DPP6: variants seen among roughly 807,000 people sequenced by gnomAD.
The protein encoded by DPP6 is A-type potassium channel modulatory protein DPP6.
DPP6 carries 69 observed loss-of-function variants against 122.6 expected under a neutral mutation model. The ratio of observed to expected loss-of-function variants is 0.56; its 90% CI spans 0.46 to 0.69. The LOEUF is 0.69. Among genes scored for constraint, DPP6 ranks in the 30% least tolerant of loss-of-function variants. DPP6 has a pLI of 0.00. For missense variants in DPP6, 928 were observed against 1,116.9 expected (o/e 0.83, Z 2.41); for synonymous variants, 418 against 433.1 (o/e 0.97, Z 0.43).
intron 10 of DPP6, among the ~76,000 whole-genome samples, chr7:154,775,833 C>T (rs560783325): frequency 2.4e-4 from 37 of 152,304 alleles, no homozygotes; most frequent in Middle Eastern, 3.4e-3. Context: ...AGGCCGAACC[C>T]GGTCAAAGCC....
chr7:154,812,143 C>CA (rs1799099266), intron 16 of DPP6, among the ~76,000 whole-genome samples: 1 of 152,142 alleles, frequency 6.6e-6, no homozygotes, highest in African/African-American at 2.4e-5. Context: ...ACCAACCAGC[C>CA]AAAAGACATG....
chr7:154,207,136 C>T (rs891286819), intron 1 of DPP6, among the ~76,000 whole-genome samples: 1 of 91,344 alleles, frequency 1.1e-5, no homozygotes, highest in Non-Finnish European at 3.2e-5. Flanking sequence ...TTGGCAAAGC[C>T]ACATTAACAC....
chr7:153,768,545 G>T, the DPP6 span, among the ~76,000 whole-genome samples: 1 of 152,146 alleles, frequency 6.6e-6, no homozygotes, highest in African/African-American at 2.4e-5. Context: ...CACCTTTCTG[G>T]ATGTGGGGCT....
intron 1 of DPP6, among the ~76,000 whole-genome samples, chr7:154,240,011 A>AGTGAT (rs1394859132): frequency 2.5e-5 from 2 of 81,206 alleles, no homozygotes; most frequent in African/African-American, 2.5e-4. Flanking sequence ...AAAAAAAAAA[A>AGTGAT]AAAAAAAAAA....
intron 1 of DPP6, among the ~76,000 whole-genome samples, chr7:153,974,674 C>T (rs112859746): frequency 0.2 from 29,686 of 152,188 alleles, 3,522 homozygotes; most frequent in Non-Finnish European, 0.26. Context: ...CCCTGAGGGT[C>T]GGTTGCAAAG....
At chr7:154,458,213 G>GTT (rs1820966392) in intron 2 of DPP6, among the ~76,000 whole-genome samples, 1 of 152,162 alleles carries the variant, frequency 6.6e-6, no homozygotes, top group Non-Finnish European at 1.5e-5. Flanking sequence ...GACCCAGTGG[G>GTT]AGGTAATTGA....
rs7797151 is a variant in DPP6, at chr7:154,654,419, T to C, written c.681-14941T>C. The stretch of plus-strand genomic sequence containing the variant: ...TATATCCAAATCTTTCTTTCTTTCT[T>C]TCTTTCTTTCTTTTTTTGATACAGC... On this transcript the variant is annotated intron_variant, in intron 6 of 25. Transcript: ENST00000377770. Among the ~76,000 whole-genome samples the C allele has an allele frequency of 5.8e-3, 510 of 88,192 alleles. 2 individuals are homozygous for C. Among genetic ancestry groups the C allele is most frequent in the Middle Eastern group, 0.022 (4 of 186 alleles). The allele number at this position is 88,192 out of a possible 152,430, so 57.9% of individuals were successfully genotyped here.
chr7:154,182,389 C>T (rs546261671), intron 1 of DPP6, among the ~76,000 whole-genome samples: 1 of 152,148 alleles, frequency 6.6e-6, no homozygotes, highest in African/African-American at 2.4e-5. Flanking sequence ...TGCTGTCCCC[C>T]TCCTCATGCT....
At chr7:154,747,805 C>T (rs1843104910) in intron 8 of DPP6, among the ~76,000 whole-genome samples, 1 of 152,108 alleles carries the variant, frequency 6.6e-6, no homozygotes, top group Non-Finnish European at 1.5e-5. Context: ...CACTGACACC[C>T]TAGTTTTTTC....
Position 154,814,243 on chromosome 7 carries a change from T to C in DPP6, c.1666+7131T>C, listed in dbSNP as rs556002321. On this transcript the variant is annotated intron_variant, in intron 16 of 25. Coordinates refer to ENST00000377770, the MANE Select transcript of DPP6 (RefSeq NM_130797.4). The stretch of plus-strand genomic sequence containing the variant: ...TGACTATGTTCCCATTTCTGATTCC[T>C]TGAAATTTATATTCTAGCGTAAATA... 3.6e-4 allele frequency among the ~76,000 whole-genome samples: 55 copies of C among 152,354 alleles called. No homozygotes were observed. The South Asian group carries it at 3.9e-3, about 11-fold the overall frequency.
intron 3 of DPP6, among the ~76,000 whole-genome samples, chr7:154,484,824 A>G (rs979247249): frequency 2.6e-5 from 4 of 152,214 alleles, no homozygotes; most frequent in East Asian, 1.9e-4. Flanking sequence ...ATGGAGGAAA[A>G]TATCAGCTGG....
intron 1 of DPP6, among the ~76,000 whole-genome samples, chr7:154,032,117 T>C (rs1799274731): frequency 6.6e-6 from 1 of 151,492 alleles, no homozygotes; most frequent in Non-Finnish European, 1.5e-5. Context: ...CTTGTGATCC[T>C]CCCGCCTCAG....
intron 5 of DPP6, among the ~76,000 whole-genome samples, chr7:154,634,620 TCTCCTCCTC>T (rs890706036): frequency 2.0e-5 from 3 of 150,342 alleles, no homozygotes; most frequent in Non-Finnish European, 3.0e-5. Flanking sequence ...AAAGCAGTTC[TCTCCTCCTC>T]CTCCTCCTCT....
In DPP6 at chr7:154,669,455, G is replaced by C; in HGVS notation, c.762+14G>C. 1.3e-6 allele frequency: 2 copies of C among 1,550,922 alleles called. No homozygotes were observed. Among genetic ancestry groups the C allele is most frequent in the Non-Finnish European group, 1.7e-6 (2 of 1,147,078 alleles). ...GGCCAACAGCTGGTAAGCCAATCAA[G>C]TTCAGTAACTATACTTGGGTTTTGA... On this transcript the variant is annotated intron_variant, in intron 7 of 25. Coordinates refer to ENST00000377770, the MANE Select transcript of DPP6 (RefSeq NM_130797.4).
Position 153,983,021 on chromosome 7 carries a change from G to A in DPP6, c.51+95287G>A, listed in dbSNP as rs565620132. Among the ~76,000 whole-genome samples, 34 of 152,204 alleles carry A rather than the reference G, an allele frequency of 2.2e-4. 1 individual carries two copies. The highest frequency in any genetic ancestry group is 6.5e-4 in the Admixed American group (10 of 15,278). On this transcript the variant is annotated intron_variant, in intron 1 of 25. Coordinates refer to the DPP6 transcript ENST00000404039. ...GTGTCTCCCCGTCAGGAGGTACGGGGGTGAGGGACCCACTTGATGAGGCAG... is the reference window on the plus strand; with the variant it reads ...GTGTCTCCCCGTCAGGAGGTACGGGAGTGAGGGACCCACTTGATGAGGCAG...
At chr7:154,439,176 G>A (rs1819152229) in intron 1 of DPP6, among the ~76,000 whole-genome samples, 1 of 152,170 alleles carries the variant, frequency 6.6e-6, no homozygotes, top group South Asian at 2.1e-4. Flanking sequence ...ATTGAGAAGT[G>A]ATGTGTTGAG....
intron 1 of DPP6, among the ~76,000 whole-genome samples, chr7:154,183,437 C>T (rs1798194363): frequency 6.6e-6 from 1 of 152,182 alleles, no homozygotes; most frequent in African/African-American, 2.4e-5. Context: ...AAAAGGTCTG[C>T]ATGTGAACTA....
intron 1 of DPP6, among the ~76,000 whole-genome samples, chr7:154,112,404 G>A (rs1015216129): frequency 5.9e-5 from 9 of 152,072 alleles, no homozygotes; most frequent in African/African-American, 2.2e-4. Flanking sequence ...CAGTATTTTG[G>A]GAGGCTGAGG....
chr7:154,033,938 G>T (rs1278559153), intron 1 of DPP6, among the ~76,000 whole-genome samples: 3 of 152,166 alleles, frequency 2.0e-5, no homozygotes, highest in Non-Finnish European at 4.4e-5. Flanking sequence ...CTAAACTACA[G>T]TTCATTGACA....
Sources: gnomAD v4.1 joint callset for allele counts (sites outside exome capture counted in the v4.1 genomes callset) on GRCh38, gnomAD v4.1.1 for gene constraint, MANE v1.5 for transcripts, NCBI Gene and HGNC (gene_info 2026-07-23, HGNC 2026-07-21) for gene names.